PAWR: variants seen among roughly 807,000 people sequenced by gnomAD.
The protein encoded by PAWR is PRKC apoptosis WT1 regulator protein.
Under a neutral mutation model 32.0 loss-of-function variants are expected in PAWR, and 23 were observed. The observed-to-expected ratio is 0.72, with a 90% CI of 0.52 to 1.02. The LOEUF (loss-of-function observed/expected upper bound fraction) is 1.02, where lower values mean the gene tolerates loss of function less well. PAWR is among the 50% of genes least tolerant of loss of function. The probability of loss-of-function intolerance (pLI) is 0.00; values close to 1 mark genes in which losing one functional copy is unlikely to be tolerated. For missense variants in PAWR, 457 were observed against 437.7 expected (o/e 1.04, Z -0.39); for synonymous variants, 226 against 187.1 (o/e 1.21, Z -1.70).
At chr12:79,682,070 T>C (rs549616412) in intron 2 of PAWR, among the ~76,000 whole-genome samples, 2 of 152,328 alleles carry the variant, frequency 1.3e-5, no homozygotes, top group East Asian at 3.9e-4. Context: ...TTTAAGTTAA[T>C]TTCATCTGTT....
At chr12:79,654,775 C>G (rs1480806962) in intron 2 of PAWR, among the ~76,000 whole-genome samples, 4 of 152,130 alleles carry the variant, frequency 2.6e-5, no homozygotes, top group Non-Finnish European at 5.9e-5. Flanking sequence ...ACCATCAGAT[C>G]TCGTGAGAAT....
rs749586993 is a variant in PAWR, at chr12:79,596,586, A to G, written c.756T>C (p.Tyr252=). 1.9e-6 allele frequency: 3 copies of G among 1,587,224 alleles called. No individual in the cohort carries two copies. In the African/African-American group the frequency reaches 4.0e-5, roughly 21 times the overall value. The change falls in exon 5 of 7, where the codon TAT becomes TAC. Residue 252 remains tyrosine, a synonymous_variant. Coordinates refer to ENST00000328827, the MANE Select transcript of PAWR (RefSeq NM_002583.4). ...TACCTGAAACATTTGCATCCCTGTT[A>G]TATCTAGGGAACCCACTTCTATCTG... The part of the protein sequence containing the change: ...SRTDRSGFPR[Y]NRDANVSGTL...
At chr12:79,626,240 T>C (rs990241983) in intron 2 of PAWR, among the ~76,000 whole-genome samples, 9 of 147,558 alleles carry the variant, frequency 6.1e-5, no homozygotes, top group African/African-American at 1.5e-4. Flanking sequence ...ACAGAAACTA[T>C]ACAAGCCAGA....
intron 4 of PAWR, chr12:79,604,249 C>T: frequency 1.0e-6 from 1 of 984,904 alleles, no homozygotes; most frequent in Non-Finnish European, 1.2e-6. Context: ...ATCCTCCCTC[C>T]ACTCTTAGCT....
chr12:79,654,327 C>T (rs1162360805), intron 2 of PAWR, among the ~76,000 whole-genome samples: 1 of 152,094 alleles, frequency 6.6e-6, no homozygotes, highest in African/African-American at 2.4e-5. Flanking sequence ...TGAGGCAGTA[C>T]ATGTGATCAA....
intron 2 of PAWR, among the ~76,000 whole-genome samples, chr12:79,669,125 T>TA (rs1384606678): frequency 6.6e-6 from 1 of 152,164 alleles, no homozygotes; most frequent in Non-Finnish European, 1.5e-5. Flanking sequence ...TGGTGATATT[T>TA]AAAAAATAGC....
chr12:79,680,286 G>GCATA (rs1023546914), intron 2 of PAWR, among the ~76,000 whole-genome samples: 5 of 152,132 alleles, frequency 3.3e-5, no homozygotes, highest in African/African-American at 9.7e-5. Context: ...TCAGTTCACT[G>GCATA]CATACGTTAT....
intron 2 of PAWR, among the ~76,000 whole-genome samples, chr12:79,646,368 G>A (rs1326655410): frequency 1.3e-5 from 2 of 152,190 alleles, no homozygotes; most frequent in African/African-American, 4.8e-5. Flanking sequence ...CTAAAGACAT[G>A]TCTGACTCTG....
intron 2 of PAWR, among the ~76,000 whole-genome samples, chr12:79,667,425 A>G (rs1228291011): frequency 6.6e-6 from 1 of 152,240 alleles, no homozygotes; most frequent in Non-Finnish European, 1.5e-5. Context: ...AGTTTACAAG[A>G]TTACATTAAA....
intron 2 of PAWR, among the ~76,000 whole-genome samples, chr12:79,663,843 T>A (rs1877466987): frequency 1.3e-5 from 2 of 151,966 alleles, no homozygotes; most frequent in Non-Finnish European, 2.9e-5. Flanking sequence ...GAGAAATAAA[T>A]GAAAAGTTTT....
In PAWR at chr12:79,632,312, C is replaced by CATATAT. The variant is rs71091677; in HGVS notation, c.517-11111_517-11106dup. The CATATAT allele has an allele frequency of 2.6e-3, 30 of 11,602 alleles. 5 individuals carry two copies. The highest frequency in any genetic ancestry group is 0.013 in the East Asian group (3 of 232). The allele number at this position is 11,602 out of a possible 1,614,324, so 0.7% of individuals were successfully genotyped here. A position where few individuals can be genotyped will look rare whatever the true frequency, so the allele number is the denominator to read the frequency against. On this transcript the variant is annotated intron_variant, in intron 2 of 6. Transcript: ENST00000328827. Reference sequence around the variant, plus strand: ...AAATATATACATATATATATACATACATATATATATATATATATATATATA... The same window carrying CATATAT: ...AAATATATACATATATATATACATACATATATATATATATATATATATATATATATA...
intron 2 of PAWR, among the ~76,000 whole-genome samples, chr12:79,633,724 G>T (rs1408363680): frequency 1.3e-5 from 2 of 152,068 alleles, no homozygotes; most frequent in East Asian, 3.9e-4. Flanking sequence ...CACCTCATTT[G>T]CATCCTTATT....
chr12:79,602,581 A>T (rs1299676487), intron 4 of PAWR, among the ~76,000 whole-genome samples: 1 of 152,158 alleles, frequency 6.6e-6, no homozygotes, highest in African/African-American at 2.4e-5. Context: ...GGGAAAAAAA[A>T]ATAAGTGTCA....
intron 2 of PAWR, among the ~76,000 whole-genome samples, chr12:79,626,812 T>A (rs1875350979): frequency 6.6e-6 from 1 of 151,992 alleles, no homozygotes; most frequent in South Asian, 2.1e-4. Context: ...ATTGTTCAAT[T>A]CCCACCTATG....
At chr12:79,593,763 C>T (rs993130008) in intron 6 of PAWR, among the ~76,000 whole-genome samples, 13 of 144,742 alleles carry the variant, frequency 9.0e-5, no homozygotes, top group Admixed American at 2.8e-4. Flanking sequence ...AGTGCAGCAG[C>T]GCAATCTTGG....
chr12:79,673,404 T>C (rs995942848), intron 2 of PAWR, among the ~76,000 whole-genome samples: 3 of 152,202 alleles, frequency 2.0e-5, no homozygotes, highest in Admixed American at 6.5e-5. Flanking sequence ...TGTCTACCAA[T>C]ACAAAGAGAG....
At chr12:79,631,848 A>C (rs1875640801) in intron 2 of PAWR, among the ~76,000 whole-genome samples, 1 of 152,084 alleles carries the variant, frequency 6.6e-6, no homozygotes, top group Non-Finnish European at 1.5e-5. Context: ...AGAAAAATCA[A>C]GTTGGACAGG....
intron 2 of PAWR, among the ~76,000 whole-genome samples, chr12:79,678,905 G>A (rs546914347): frequency 6.8e-6 from 1 of 146,750 alleles, no homozygotes; most frequent in African/African-American, 2.5e-5. Context: ...GGAGGCACAG[G>A]ATGGTGGTTA....
Position 79,690,090 on chromosome 12 carries a change from T to C in PAWR, c.155A>G (p.Lys52Arg), listed in dbSNP as rs1878921655. ...PGGGSSDAAG[K>R]PPAGALGTPA... ...GGTGCCCAGAGCCCCCGCGGGGGGC[T>C]TCCCAGCGGCGTCGCTGCTGCCCCC... Residue 52 changes from lysine to arginine, a missense_variant, in exon 2 of 7, where the codon AAG (lysine) becomes AGG (arginine). Coordinates refer to ENST00000328827, the MANE Select transcript of PAWR (RefSeq NM_002583.4). 4 of 1,441,906 alleles carry C rather than the reference T, an allele frequency of 2.8e-6. No homozygotes were observed. Among genetic ancestry groups the C allele is most frequent in the Non-Finnish European group, 3.6e-6 (4 of 1,106,246 alleles). 89.3% of individuals were successfully genotyped at this position (1,441,906 alleles called of 1,614,324 possible).
Sources: gnomAD v4.1 joint callset for allele counts (sites outside exome capture counted in the v4.1 genomes callset) on GRCh38, gnomAD v4.1.1 for gene constraint, MANE v1.5 for transcripts, NCBI Gene and HGNC (gene_info 2026-07-23, HGNC 2026-07-21) for gene names.